Variants in IFT43 observed in about 807,000 individuals in gnomAD.
IFT43 encodes intraflagellar transport 43.
In IFT43, 33 loss-of-function variants were observed where a neutral mutation model predicts 32.3. The ratio of observed to expected loss-of-function variants is 1.02; its 90% CI spans 0.77 to 1.37. The LOEUF is 1.37. Among genes scored for constraint, IFT43 ranks in the 40% most tolerant of loss-of-function variants. The probability of loss-of-function intolerance (pLI) is 0.00; values close to 1 mark genes in which losing one functional copy is unlikely to be tolerated. For missense variants in IFT43, 274 were observed against 265.9 expected, an observed-to-expected ratio of 1.03 and a Z score of -0.21; for synonymous variants, 93 against 98.2, an observed-to-expected ratio of 0.95 and a Z score of 0.31.
chr14:76,004,727 AT>A (rs994367732), intron 2 of IFT43, among the ~76,000 whole-genome samples: 1 of 151,284 alleles, frequency 6.6e-6, no homozygotes, highest in Non-Finnish European at 1.5e-5. Context: ...AGCCTTATTA[AT>A]TTTTTTTCCT....
chr14:76,034,691 C>G (rs2036568065), intron 3 of IFT43, among the ~76,000 whole-genome samples: 1 of 152,188 alleles, frequency 6.6e-6, no homozygotes, highest in South Asian at 2.1e-4. Context: ...GGATAGAGAA[C>G]AGAACATGTG....
chr14:76,010,919 T>A (rs1046465684), intron 2 of IFT43, among the ~76,000 whole-genome samples: 125 of 151,424 alleles, frequency 8.3e-4, no homozygotes, highest in Non-Finnish European at 1.6e-3. Flanking sequence ...TTTTTTTTTT[T>A]AATGACAGCA....
At chr14:76,033,660 G>C (rs1205324297) in intron 3 of IFT43, among the ~76,000 whole-genome samples, 1 of 152,170 alleles carries the variant, frequency 6.6e-6, no homozygotes, top group East Asian at 1.9e-4. Context: ...CAACTTTCGA[G>C]CTTTGAGGAC....
chr14:76,015,477 A>C (rs761361608), intron 2 of IFT43, among the ~76,000 whole-genome samples: 1 of 152,092 alleles, frequency 6.6e-6, no homozygotes, highest in Non-Finnish European at 1.5e-5. Context: ...GAATGATCTC[A>C]ATGTTGGGGT....
At chr14:75,999,252 TATATATATATATATATATATGTATATA>T (rs1270372081) in intron 2 of IFT43, among the ~76,000 whole-genome samples, 16 of 11,430 alleles carry the variant, frequency 1.4e-3, no homozygotes, top group African/African-American at 5.7e-3. Flanking sequence ...TATATATATA[TATATATATATATATATATATGTATATA>T]TATTTTTTTT....
At chr14:76,077,814 A>C (rs545586144) in intron 5 of IFT43, among the ~76,000 whole-genome samples, 18 of 152,216 alleles carry the variant, frequency 1.2e-4, no homozygotes, top group Non-Finnish European at 1.0e-4. Context: ...GTTACTTCTC[A>C]CCGCCGAGCA....
chr14:76,048,099 T>C (rs998044297), intron 3 of IFT43, among the ~76,000 whole-genome samples: 1 of 152,222 alleles, frequency 6.6e-6, no homozygotes, highest in African/African-American at 2.4e-5. Context: ...ATTAGTATAA[T>C]AGAATGTGCC....
chr14:76,041,978 A>AACT (rs2036716003), intron 3 of IFT43, among the ~76,000 whole-genome samples: 3 of 151,976 alleles, frequency 2.0e-5, no homozygotes, highest in Non-Finnish European at 4.4e-5. Flanking sequence ...GTTTTTTTAG[A>AACT]CAGCTCTAGA....
chr14:76,061,036 G>C (rs2037125183), intron 5 of IFT43, among the ~76,000 whole-genome samples: 1 of 151,924 alleles, frequency 6.6e-6, no homozygotes, highest in African/African-American at 2.4e-5. Context: ...TGACTAGCTG[G>C]GACTACAGTC....
intron 3 of IFT43, among the ~76,000 whole-genome samples, chr14:76,040,954 A>G (rs2036695288): frequency 6.6e-6 from 1 of 152,188 alleles, no homozygotes; most frequent in Non-Finnish European, 1.5e-5. Context: ...CAATTGCTGT[A>G]CCTCTAAGGG....
At chr14:76,006,650 AG>A (rs2035985537) in intron 2 of IFT43, among the ~76,000 whole-genome samples, 1 of 152,160 alleles carries the variant, frequency 6.6e-6, no homozygotes. Context: ...AAGATTAGAA[AG>A]GTCCATTCTT....
chr14:76,072,925 G>A (rs1455504961), intron 5 of IFT43, among the ~76,000 whole-genome samples: 1 of 152,126 alleles, frequency 6.6e-6, no homozygotes, highest in Non-Finnish European at 1.5e-5. Context: ...GAAGAGGCAC[G>A]AGCACTTCTC....
chr14:76,056,558 A>AT (rs1414426893), intron 3 of IFT43, among the ~76,000 whole-genome samples: 2 of 152,100 alleles, frequency 1.3e-5, no homozygotes, highest in East Asian at 3.9e-4. Context: ...GGAAGGAACG[A>AT]TTCGGTCATA....
chr14:76,015,884 G>C lies in IFT43; in HGVS notation c.148-6443G>C, dbSNP rs75432388. On this transcript the variant is annotated intron_variant, in intron 2 of 8. Coordinates refer to ENST00000314067, the MANE Select transcript of IFT43 (RefSeq NM_001102564.3). ...GGAGCCATTTTAACTGGGGTAAGAT[G>C]ATATCTCAGTGTGGTTTTGGATTTG... Among the ~76,000 whole-genome samples, 29 of 152,348 alleles carry C rather than the reference G, an allele frequency of 1.9e-4. No homozygotes were observed. The East Asian group carries it at 5.0e-3, about 26-fold the overall frequency.
chr14:76,042,406 C>A (rs2036724242), intron 3 of IFT43, among the ~76,000 whole-genome samples: 1 of 152,192 alleles, frequency 6.6e-6, no homozygotes, highest in African/African-American at 2.4e-5. Context: ...CCCCTTGACA[C>A]CTGATACAGC....
chr14:76,068,297 G>A (rs903514994), intron 5 of IFT43, among the ~76,000 whole-genome samples: 19 of 152,356 alleles, frequency 1.2e-4, no homozygotes, highest in Admixed American at 1.1e-3. Flanking sequence ...ACTCCACATG[G>A]AGAATGAATA....
At chr14:76,048,947 G>A (rs2036860808) in intron 3 of IFT43, among the ~76,000 whole-genome samples, 1 of 152,204 alleles carries the variant, frequency 6.6e-6, no homozygotes, top group Admixed American at 6.5e-5. Flanking sequence ...GTGAGTCTCA[G>A]TGTATTTATG....
intron 2 of IFT43, among the ~76,000 whole-genome samples, chr14:76,004,068 C>T (rs1049818413): frequency 1.3e-5 from 2 of 152,092 alleles, no homozygotes; most frequent in African/African-American, 2.4e-5. Context: ...GAACCACCAC[C>T]CCCAGCCCAG....
chr14:76,008,295 G>A (rs1225953651), intron 2 of IFT43, among the ~76,000 whole-genome samples: 1 of 152,154 alleles, frequency 6.6e-6, no homozygotes, highest in East Asian at 1.9e-4. Context: ...TGTAACACCT[G>A]GCCACCAGAA....
Sources: gnomAD v4.1 joint callset for allele counts (sites outside exome capture counted in the v4.1 genomes callset) on GRCh38, gnomAD v4.1.1 for gene constraint, MANE v1.5 for transcripts, NCBI Gene and HGNC (gene_info 2026-07-23, HGNC 2026-07-21) for gene names.